PARP4: variants seen among roughly 807,000 people sequenced by gnomAD.
PARP4 encodes poly(ADP-ribose) polymerase family member 4, also known as protein mono-ADP-ribosyltransferase PARP4.
A neutral mutation model predicts 187.7 loss-of-function variants in PARP4; 120 were observed. That is an observed-to-expected ratio of 0.64 (90% confidence interval 0.55 to 0.74). The LOEUF (loss-of-function observed/expected upper bound fraction) is 0.74, where lower values mean the gene tolerates loss of function less well. PARP4 is among the 30% of genes least tolerant of loss of function. PARP4 has a pLI of 0.00. For synonymous variants in PARP4, 654 were observed against 740.9 expected (o/e 0.88, Z 1.90); for missense variants, 1,836 against 2,070.5 (o/e 0.89, Z 2.20).
intron 17 of PARP4, 121 bp from the exon 18 acceptor site, chr13:24,460,257 A>G (rs1872143488): frequency 1.2e-6 from 1 of 826,022 alleles, no homozygotes; most frequent in African/African-American, 1.7e-5. Context: ...CTCAGAAAAC[A>G]GTAATAAAAC....
intron 17 of PARP4, among the ~76,000 whole-genome samples, chr13:24,466,893 GA>G (rs1309053688): frequency 6.6e-6 from 1 of 151,734 alleles, no homozygotes; most frequent in Non-Finnish European, 1.5e-5. Context: ...AAAAGCGAGG[GA>G]AAGGAACAAA....
chr13:24,445,820 T>C (rs1250980182), intron 27 of PARP4, among the ~76,000 whole-genome samples: 6 of 152,172 alleles, frequency 3.9e-5, no homozygotes, highest in African/African-American at 1.2e-4. Flanking sequence ...CCTGGGGACC[T>C]GCTACTTGCT....
chr13:24,443,981 C>T (rs1366389720), intron 27 of PARP4, among the ~76,000 whole-genome samples: 1 of 152,196 alleles, frequency 6.6e-6, no homozygotes, highest in Non-Finnish European at 1.5e-5. Context: ...CTGGCAGCTC[C>T]TCATCTGCTT....
intron 25 of PARP4, among the ~76,000 whole-genome samples, chr13:24,448,438 T>C (rs1231641376): frequency 7.7e-6 from 1 of 130,452 alleles, no homozygotes; most frequent in Admixed American, 9.1e-5. Context: ...GAAAAGCTGA[T>C]TGATTTCAAT....
chr13:24,502,147 ATTTTC>A (rs932959051), intron 2 of PARP4, among the ~76,000 whole-genome samples: 1 of 152,022 alleles, frequency 6.6e-6, no homozygotes, highest in African/African-American at 2.4e-5. Flanking sequence ...TTGTTCAATT[ATTTTC>A]TTAGTAGTGG....
chr13:24,456,602 G>T, intron 20 of PARP4, 124 bp from the exon 21 acceptor site: 1 of 839,276 alleles, frequency 1.2e-6, no homozygotes, highest in Non-Finnish European at 1.7e-6. Context: ...AATCAACAAA[G>T]TAGTGGTAAA....
intron 9 of PARP4, among the ~76,000 whole-genome samples, chr13:24,492,152 C>T (rs1868688362): frequency 6.6e-6 from 1 of 152,242 alleles, no homozygotes; most frequent in African/African-American, 2.4e-5. Flanking sequence ...GATCCGAACT[C>T]ATTCCAGAGT....
At chr13:24,508,690 T>C (rs781636432) in intron 1 of PARP4, among the ~76,000 whole-genome samples, 1 of 152,124 alleles carries the variant, frequency 6.6e-6, no homozygotes, top group African/African-American at 2.4e-5. Flanking sequence ...CTTTTTGTAT[T>C]TTTAGTAGAG....
chr13:24,443,649 C>T lies in PARP4; in HGVS notation c.3447+1G>A, dbSNP rs1871061835. ...TCATTTTTACAATGAAAAGAACAAA[C>T]CTCATGACTGGTTTCATTTTCGTGA... On this transcript the variant is annotated splice_donor_variant, in intron 28 of 33. Transcript: ENST00000381989. LOFTEE classifies it high-confidence loss of function. 1.9e-6 allele frequency: 3 copies of T among 1,594,874 alleles called. No homozygotes were observed. Among genetic ancestry groups the T allele is most frequent in the Admixed American group, 1.7e-5 (1 of 59,952 alleles).
At position 24,455,189 on chromosome 13, in the gene PARP4, G is replaced by A. The variant is rs531124907; in HGVS notation, c.2586C>T (p.Pro862=). 2.9e-5 allele frequency: 47 copies of A among 1,593,646 alleles called. 1 individual carries two copies. Among genetic ancestry groups the A allele is most frequent in the East Asian group, 6.8e-5 (3 of 44,392 alleles). Residue 862 remains proline, a synonymous_variant, in exon 22 of 34, where the codon CCC becomes CCT. Transcript: ENST00000381989. The stretch of plus-strand genomic sequence containing the variant: ...GGTCAGGGAGGTCGACATCGAGATC[G>A]GGTTGAAAGACAAGCATGCAAGCCT... ...ESEACMLVFQ[P]DLDVDLPDLA...
chr13:24,512,556 A>T (rs1040722100), intron 1 of PARP4, 150 bp downstream of exon 1: 23 of 152,002 alleles, frequency 1.5e-4, no homozygotes, highest in African/African-American at 5.6e-4. Context: ...TAGCTAGTCC[A>T]CTCCCGAGCC....
In PARP4 at chr13:24,462,904, C is replaced by T. The variant is rs1820771013; in HGVS notation, c.2134-2768G>A. Reference sequence around the variant, plus strand: ...AGCTCCAAAAGCTGTGGTGCAATATCAAATACGGTCTAATGTATATGTATT... The same window carrying T: ...AGCTCCAAAAGCTGTGGTGCAATATTAAATACGGTCTAATGTATATGTATT... On this transcript the variant is annotated intron_variant, in intron 17 of 33. Transcript: ENST00000381989. Among the ~76,000 whole-genome samples, 3 of 152,074 alleles carry T rather than the reference C, an allele frequency of 2.0e-5. No homozygotes were observed. In the South Asian group the frequency reaches 6.2e-4, roughly 32 times the overall value.
intron 20 of PARP4, among the ~76,000 whole-genome samples, chr13:24,457,449 A>G (rs1315690984): frequency 6.6e-6 from 1 of 152,168 alleles, no homozygotes; most frequent in Non-Finnish European, 1.5e-5. Flanking sequence ...GTGTCCATGC[A>G]ACGGGCCTGG....
intron 8 of PARP4, 39 bp downstream of exon 8, chr13:24,493,557 A>G: frequency 6.3e-7 from 1 of 1,583,758 alleles, no homozygotes; most frequent in Non-Finnish European, 8.6e-7. Context: ...ACCAGGAGGC[A>G]GATTTTTCAC....
rs766986577 is a variant in PARP4, at chr13:24,426,535, C to T, written c.4910G>A (p.Arg1637His). 10 of 1,610,738 alleles carry T rather than the reference C, an allele frequency of 6.2e-6. No individual in the cohort carries two copies. Among genetic ancestry groups the T allele is most frequent in the African/African-American group, 5.4e-5 (4 of 74,732 alleles). ...TATTCCCTCTTTTTCCAACCTGGTG[C>T]GAATAAACTGTAGTACCAGCATTGT... ...IATMLVLQFI[R>H]TRLEKEGIVF... Residue 1637 changes from arginine (R) to histidine (H), a missense_variant, in exon 33 of 34, where the codon CGC becomes CAC. Arg to His is a conservative substitution (Grantham distance 29). This residue lies in a region of PARP4 where 45 missense variants were observed against 53.1 expected (regional missense o/e 0.85). Transcript: ENST00000381989.
intron 3 of PARP4, among the ~76,000 whole-genome samples, chr13:24,500,669 A>C (rs1869223907): frequency 6.6e-6 from 1 of 152,244 alleles, no homozygotes; most frequent in East Asian, 1.9e-4. Flanking sequence ...CTTCTTGAAG[A>C]GTACAAAGTG....
At chr13:24,425,167 G>A (rs370927856) in intron 33 of PARP4, among the ~76,000 whole-genome samples, 107 of 152,242 alleles carry the variant, frequency 7.0e-4, no homozygotes, top group African/African-American at 2.5e-3. Flanking sequence ...AGGGCGTGGT[G>A]GTGCACACCT....
chr13:24,496,967 G>A (rs1206057132), intron 6 of PARP4, among the ~76,000 whole-genome samples: 2 of 152,106 alleles, frequency 1.3e-5, no homozygotes, highest in Non-Finnish European at 2.9e-5. Flanking sequence ...AGGTTGCAGT[G>A]AGCCGAGATC....
chr13:24,443,466 C>T (rs142438741), intron 28 of PARP4, among the ~76,000 whole-genome samples, 184 bp downstream of exon 28: 3 of 151,932 alleles, frequency 2.0e-5, no homozygotes, highest in South Asian at 4.2e-4. Flanking sequence ...TTTGTTAATT[C>T]ATTCAACAAA....
Sources: gnomAD v4.1 joint callset for allele counts (sites outside exome capture counted in the v4.1 genomes callset) on GRCh38, gnomAD v4.1.1 for gene constraint, gnomAD v4.1.1 regional missense constraint, MANE v1.5 for transcripts, NCBI Gene and HGNC (gene_info 2026-07-23, HGNC 2026-07-21) for gene names.